ASPA: variants seen among roughly 807,000 people sequenced by gnomAD.
ASPA encodes aspartoacylase.
In ASPA, 25 loss-of-function variants were observed where a neutral mutation model predicts 29.6. That is an observed-to-expected ratio of 0.85 (90% CI 0.62 to 1.18). The LOEUF is 1.18. Ranked by LOEUF, ASPA falls within the 50% of genes most tolerant of loss-of-function variation. The pLI is 0.00. For missense variants in ASPA, 333 were observed against 385.7 expected (o/e 0.86, Z 1.14); for synonymous variants, 131 against 130.3 (o/e 1.01, Z -0.04).
chr17:3,481,966 G>A (rs2073639588), intron 2 of ASPA, among the ~76,000 whole-genome samples, 168 bp downstream of exon 2: 1 of 152,086 alleles, frequency 6.6e-6, no homozygotes, highest in Admixed American at 6.6e-5. Context: ...CCAGAACACA[G>A]AGGCAGTGGT....
intron 5 of ASPA, among the ~76,000 whole-genome samples, chr17:3,494,774 G>A (rs988624001): frequency 4.6e-5 from 7 of 152,316 alleles, no homozygotes; most frequent in African/African-American, 1.2e-4. Context: ...AGATGGGAGA[G>A]GAGTGGTCAG....
In ASPA at chr17:3,476,152, T is replaced by C; in HGVS notation, c.-8T>C. 2 of 1,610,786 alleles carry C rather than the reference T, an allele frequency of 1.2e-6. No individual in the cohort carries two copies. Among genetic ancestry groups the C allele is most frequent in the Non-Finnish European group, 1.7e-6 (2 of 1,177,352 alleles). On this transcript the variant is annotated 5_prime_UTR_variant, in exon 1 of 6. Transcript: ENST00000263080. Reference sequence around the variant, plus strand: ...ATTGCAGAAATCAGATAAAAACTACTTGGTGAAATGACTTCTTGTCACATT... The same window carrying C: ...ATTGCAGAAATCAGATAAAAACTACCTGGTGAAATGACTTCTTGTCACATT...
Position 3,488,753 on chromosome 17 carries a change from T to G in ASPA, c.527-482T>G, listed in dbSNP as rs913156201. On this transcript the variant is annotated intron_variant, in intron 3 of 5. Coordinates refer to ENST00000263080, the MANE Select transcript of ASPA (RefSeq NM_000049.4). This position sits in a 1 kb window ranked among gnomAD's most constrained non-coding sequence, Gnocchi z 6.1. ...CATTGCTCAAGGGTCACATAGATTG[T>G]CATATTGACTGAAATCCATGATTCA... Among the ~76,000 whole-genome samples the G allele has an allele frequency of 1.3e-5, 2 of 152,224 alleles. No homozygotes were observed. Among genetic ancestry groups the G allele is most frequent in the Non-Finnish European group, 2.9e-5 (2 of 68,034 alleles).
In ASPA at chr17:3,489,385, A is replaced by T. The variant is rs373381764; in HGVS notation, c.634+43A>T. 3 of 1,466,294 alleles carry T rather than the reference A, an allele frequency of 2.0e-6. No homozygotes were observed. The African/African-American group carries it at 4.2e-5, about 20-fold the overall frequency. The allele number at this position is 1,466,294 out of a possible 1,614,324, so 90.8% of individuals were successfully genotyped here. A position where few individuals can be genotyped will look rare whatever the true frequency, so the allele number is the denominator to read the frequency against. ...TAACGTTATCAAACTTAACCACCAA[A>T]CATTTAAATAACAATTGGAACCTGG... is the stretch of plus-strand genomic sequence containing the variant. On this transcript the variant is annotated intron_variant, in intron 4 of 5. Coordinates refer to ENST00000263080, the MANE Select transcript of ASPA (RefSeq NM_000049.4).
At chr17:3,495,322 T>G (rs944289082) in intron 5 of ASPA, among the ~76,000 whole-genome samples, 37 of 152,240 alleles carry the variant, frequency 2.4e-4, no homozygotes, top group Non-Finnish European at 4.4e-4. Flanking sequence ...ATAATAGCAA[T>G]GGCAGGACTC....
chr17:3,482,686 T>G (rs1031553331), intron 2 of ASPA, among the ~76,000 whole-genome samples: 15 of 152,194 alleles, frequency 9.9e-5, no homozygotes, highest in African/African-American at 3.4e-4. Flanking sequence ...TGGCCTATAG[T>G]AAAGATTATT....
intron 3 of ASPA, among the ~76,000 whole-genome samples, chr17:3,487,274 T>C (rs760035727): frequency 4.6e-5 from 7 of 152,186 alleles, no homozygotes; most frequent in East Asian, 1.9e-4. Flanking sequence ...CTCAGAAAGA[T>C]TGTCTCTCTA....
Position 3,490,545 on chromosome 17 carries a change from C to G in ASPA, c.634+1203C>G, listed in dbSNP as rs1332968732. 6.6e-6 allele frequency among the ~76,000 whole-genome samples: 1 copy of G among 152,000 alleles called. No homozygotes were observed. The highest frequency in any genetic ancestry group is 2.1e-4 in the South Asian group (1 of 4,814). ...TTCCTCAACCTCAGATCGTGCGCACCCCACTGCAATCACAGACATTCGTTT... is the reference window on the plus strand; with the variant it reads ...TTCCTCAACCTCAGATCGTGCGCACGCCACTGCAATCACAGACATTCGTTT... On this transcript the variant is annotated intron_variant, in intron 4 of 5. Coordinates refer to ENST00000263080, the MANE Select transcript of ASPA (RefSeq NM_000049.4). The surrounding 1 kb of genome is among the most constrained non-coding windows in gnomAD (Gnocchi z 4.6).
intron 3 of ASPA, among the ~76,000 whole-genome samples, chr17:3,487,006 T>C (rs374479131): frequency 3.3e-5 from 5 of 152,106 alleles, no homozygotes; most frequent in African/African-American, 1.2e-4. Flanking sequence ...CTGAGAAAGT[T>C]AGGAGAGGGC....
rs1328217346 is a variant in ASPA, at chr17:3,503,145, C to T, written c.*4057C>T. On this transcript the variant is annotated 3_prime_UTR_variant, in exon 6 of 6. Transcript: ENST00000263080. ...TGTTTTTATTCCATGATCTGTACCC[C>T]CAATGAATCCATAATCATAGTTTCA... The T allele has an allele frequency of 6.6e-6, 1 of 152,042 alleles. No homozygotes were observed. The highest frequency in any genetic ancestry group is 1.5e-5 in the Non-Finnish European group (1 of 68,036). 9.4% of individuals were successfully genotyped at this position (152,042 alleles called of 1,614,324 possible). A position where few individuals can be genotyped will look rare whatever the true frequency, so the allele number is the denominator to read the frequency against.
At position 3,501,493 on chromosome 17, in the gene ASPA, A is replaced by G. The variant is rs921280136; in HGVS notation, c.*2405A>G. On this transcript the variant is annotated 3_prime_UTR_variant, in exon 6 of 6. Transcript: ENST00000263080. Reference sequence around the variant, plus strand: ...CAATCTCATGATCACACTTGAATGGATGAGGAGTCGCTTCTTATAAATGAG... The same window carrying G: ...CAATCTCATGATCACACTTGAATGGGTGAGGAGTCGCTTCTTATAAATGAG... 1 of 153,236 alleles carries G rather than the reference A, an allele frequency of 6.5e-6. No homozygotes were observed. The highest frequency in any genetic ancestry group is 1.5e-5 in the Non-Finnish European group (1 of 68,692). 9.5% of individuals were successfully genotyped at this position (153,236 alleles called of 1,614,324 possible).
chr17:3,477,582 A>G (rs191700855), intron 1 of ASPA, among the ~76,000 whole-genome samples: 1 of 151,920 alleles, frequency 6.6e-6, no homozygotes, highest in South Asian at 2.1e-4. Context: ...CCTCCCGAGT[A>G]GCTGGGATTA....
rs1040340562 is a variant in ASPA at position 3,490,268 on chromosome 17, G to A, written c.634+926G>A. Among the ~76,000 whole-genome samples the A allele has an allele frequency of 2.2e-4, 34 of 152,078 alleles. 1 individual carries two copies. The highest frequency in any genetic ancestry group is 6.3e-4 in the African/African-American group (26 of 41,406). ...TCTGTAATTAAAAATTAATTAAACG[G>A]GGACTGGTGGACAAGGTGGGTATAT... is the stretch of plus-strand genomic sequence containing the variant. On this transcript the variant is annotated intron_variant, in intron 4 of 5. Transcript: ENST00000263080. The surrounding 1 kb of genome is among the most constrained non-coding windows in gnomAD (Gnocchi z 4.6).
At chr17:3,497,879 T>C (rs1333966712) in intron 5 of ASPA, among the ~76,000 whole-genome samples, 1 of 152,146 alleles carries the variant, frequency 6.6e-6, no homozygotes, top group Non-Finnish European at 1.5e-5. Flanking sequence ...ATCTTCATCT[T>C]AACAAAATCC....
At chr17:3,475,164 T>G (rs369327804), upstream of ASPA, among the ~76,000 whole-genome samples, 2 of 152,346 alleles carry the variant, frequency 1.3e-5, no homozygotes, top group African/African-American at 2.4e-5. Flanking sequence ...TGACTGAGCA[T>G]GAAATCAAAT....
Position 3,482,650 on chromosome 17 carries a change from G to C in ASPA, c.433-849G>C, listed in dbSNP as rs538372767. 3.8e-3 allele frequency among the ~76,000 whole-genome samples: 583 copies of C among 152,136 alleles called. 7 individuals are homozygous for C. Among genetic ancestry groups the C allele is most frequent in the African/African-American group, 0.013 (556 of 41,504 alleles). ...TACTCAAAGCCTTAAATGACATAAA[G>C]TATTTAAAACATTTAGCCTCATACC... On this transcript the variant is annotated intron_variant, in intron 2 of 5. Coordinates refer to ENST00000263080, the MANE Select transcript of ASPA (RefSeq NM_000049.4).
intron 2 of ASPA, among the ~76,000 whole-genome samples, chr17:3,482,132 A>G (rs994561759): frequency 6.6e-6 from 1 of 152,362 alleles, no homozygotes; most frequent in Admixed American, 6.5e-5. Flanking sequence ...TAAAATTAAT[A>G]TTAAAAGTTT....
chr17:3,489,212 A>G lies in ASPA; in HGVS notation c.527-23A>G, dbSNP rs375663977. On this transcript the variant is annotated intron_variant, in intron 3 of 5. Transcript: ENST00000263080. ...ATATTTTCATACTTATATAAATGTG[A>G]CTATCTCTCCTTCTGTACCTAGGTA... The G allele has an allele frequency of 3.0e-6, 4 of 1,355,714 alleles. No homozygotes were observed. The East Asian group carries it at 9.2e-5, about 31-fold the overall frequency. The allele number at this position is 1,355,714 out of a possible 1,614,324, so 84.0% of individuals were successfully genotyped here.
At chr17:3,491,131 A>G (rs1248190613) in intron 4 of ASPA, among the ~76,000 whole-genome samples, 1 of 152,228 alleles carries the variant, frequency 6.6e-6, no homozygotes, top group Admixed American at 6.5e-5. Flanking sequence ...CATATGCGAC[A>G]TGCTTAGCTA....
Sources: allele counts gnomAD v4.1 joint callset (sites outside exome capture counted in the v4.1 genomes callset), GRCh38; gene constraint gnomAD v4.1.1; non-coding constraint Gnocchi (gnomAD v3.1); transcripts MANE v1.5; gene names NCBI Gene and HGNC (gene_info 2026-07-23, HGNC 2026-07-21).